The following IQSEC1 variants were observed in gnomAD, a reference collection of about 807,000 sequenced individuals.
IQSEC1 encodes IQ motif and Sec7 domain ArfGEF 1.
A neutral mutation model predicts 91.0 loss-of-function variants in IQSEC1; 31 were observed. That is an observed-to-expected ratio of 0.34 (90% CI 0.26 to 0.46). The LOEUF is 0.46. Ranked by LOEUF, IQSEC1 falls within the 20% of genes least tolerant of loss-of-function variation. The pLI is 1.00. For synonymous variants in IQSEC1, 699 were observed against 662.6 expected (o/e 1.05, Z -0.84); for missense variants, 1,388 against 1,575.6 (o/e 0.88, Z 2.02).
chr3:13,123,924 C>T (rs894150517), intron 2 of IQSEC1, among the ~76,000 whole-genome samples: 3 of 152,368 alleles, frequency 2.0e-5, no homozygotes, highest in African/African-American at 2.4e-5. Flanking sequence ...ATCTAGCCTG[C>T]GGCTTGCTTT....
At chr3:13,043,949 T>G (rs1052619427) in intron 1 of IQSEC1, among the ~76,000 whole-genome samples, 6 of 151,982 alleles carry the variant, frequency 3.9e-5, no homozygotes, top group Non-Finnish European at 7.4e-5. Context: ...TCCCCAGAGG[T>G]GTGCACACAG....
chr3:13,057,009 C>T (rs1337473145), intron 1 of IQSEC1, among the ~76,000 whole-genome samples: 1 of 152,110 alleles, frequency 6.6e-6, no homozygotes, highest in African/African-American at 2.4e-5. Flanking sequence ...ATCTTTTGGG[C>T]CCCCTTATAG....
At chr3:13,130,097 G>A (rs1277564092) in intron 2 of IQSEC1, among the ~76,000 whole-genome samples, 1 of 151,248 alleles carries the variant, frequency 6.6e-6, no homozygotes, top group Non-Finnish European at 1.5e-5. Context: ...TATAATCACA[G>A]CACTTTGGGA....
chr3:13,213,332 T>C (rs1444988852), intron 1 of IQSEC1, among the ~76,000 whole-genome samples: 2 of 152,244 alleles, frequency 1.3e-5, no homozygotes, highest in African/African-American at 4.8e-5. Context: ...GCCCCCTGTG[T>C]ATGGGTTGAT....
chr3:13,115,749 C>T (rs1249617404), intron 2 of IQSEC1, among the ~76,000 whole-genome samples: 3 of 152,202 alleles, frequency 2.0e-5, no homozygotes, highest in Admixed American at 6.5e-5. Context: ...GCTGAATGCA[C>T]GCTAGCCCAT....
intron 1 of IQSEC1, among the ~76,000 whole-genome samples, chr3:13,054,414 T>C (rs1704802963): frequency 6.6e-6 from 1 of 152,224 alleles, no homozygotes; most frequent in Admixed American, 6.5e-5. Flanking sequence ...GTGGGCACCC[T>C]TCTACCCTGT....
intron 1 of IQSEC1, among the ~76,000 whole-genome samples, chr3:12,999,820 C>T (rs551433579): frequency 6.6e-6 from 1 of 152,320 alleles, no homozygotes; most frequent in African/African-American, 2.4e-5. Context: ...TTTCTGGCCT[C>T]AATTTGTCCC....
chr3:13,025,341 G>A lies in IQSEC1; in HGVS notation c.23+47651C>T, dbSNP rs189599301. ...GCCCGCTGGGGATGAAGTCACTGCC[G>A]CCCAGGCAAAGGGAAGGACACATTT... On this transcript the variant is annotated intron_variant, in intron 1 of 13. Coordinates refer to ENST00000613206, the MANE Select transcript of IQSEC1 (RefSeq NM_001134382.3). Among the ~76,000 whole-genome samples the A allele has an allele frequency of 8.5e-5, 13 of 152,364 alleles. No individual in the cohort carries two copies. In the East Asian group the frequency reaches 1.5e-3, roughly 18 times the overall value.
intron 1 of IQSEC1, among the ~76,000 whole-genome samples, chr3:13,016,966 G>A (rs1055055455): frequency 7.9e-5 from 12 of 152,088 alleles, no homozygotes; most frequent in Admixed American, 7.2e-4. Flanking sequence ...TCCTAGAAAC[G>A]GGACCATACG....
At chr3:13,134,047 A>C (rs894855712) in intron 2 of IQSEC1, among the ~76,000 whole-genome samples, 4 of 152,236 alleles carry the variant, frequency 2.6e-5, no homozygotes, top group African/African-American at 7.2e-5. Flanking sequence ...TGTGTTTTCA[A>C]ATACGAAAAT....
At position 13,211,504 on chromosome 3, in the gene IQSEC1, C is replaced by T. The variant is rs1694443695; in HGVS notation, c.273-47371G>A. Among the ~76,000 whole-genome samples the T allele has an allele frequency of 6.6e-6, 1 of 152,138 alleles. No homozygotes were observed. The highest frequency in any genetic ancestry group is 6.5e-5 in the Admixed American group (1 of 15,286). On this transcript the variant is annotated intron_variant, in intron 1 of 15. Coordinates refer to the IQSEC1 transcript ENST00000648114. The surrounding 1 kb of genome is among the most constrained non-coding windows in gnomAD (Gnocchi z 5.3). ...TCTCGGCTCTTCAGGCATCCACCCC[C>T]AAGTCCCCTTTTGGGAGCAGTGTCT...
At chr3:13,218,798 C>G (rs1376595819) in intron 1 of IQSEC1, among the ~76,000 whole-genome samples, 2 of 152,256 alleles carry the variant, frequency 1.3e-5, no homozygotes, top group East Asian at 3.9e-4. Context: ...CTGAACAGAT[C>G]CAGCTTCAGC....
chr3:13,087,415 G>A (rs567522485), intron 2 of IQSEC1, among the ~76,000 whole-genome samples: 1 of 152,178 alleles, frequency 6.6e-6, no homozygotes, highest in African/African-American at 2.4e-5. Flanking sequence ...TGTGCAGGAG[G>A]TCTGCAGACA....
At chr3:13,013,025 A>G (rs1702959347) in intron 1 of IQSEC1, among the ~76,000 whole-genome samples, 1 of 139,888 alleles carries the variant, frequency 7.1e-6, no homozygotes, top group African/African-American at 2.8e-5. Flanking sequence ...CAGTGGCACG[A>G]CCTAGGCTCA....
chr3:12,935,423 C>A lies in IQSEC1; in HGVS notation c.1568+25G>T. The stretch of plus-strand genomic sequence containing the variant: ...GCCCAGCAAGCCACAGCTGCCCACC[C>A]TGAGGGGTCACCCATGGTACTCACT... On this transcript the variant is annotated intron_variant, in intron 3 of 13. Transcript: ENST00000613206. The surrounding 1 kb of genome is among the most constrained non-coding windows in gnomAD (Gnocchi z 8.0). 1 of 1,590,440 alleles carries A rather than the reference C, an allele frequency of 6.3e-7. No individual in the cohort carries two copies. Among genetic ancestry groups the A allele is most frequent in the Non-Finnish European group, 8.6e-7 (1 of 1,164,192 alleles).
chr3:13,101,798 C>A (rs1170310894), intron 2 of IQSEC1, among the ~76,000 whole-genome samples: 2 of 152,114 alleles, frequency 1.3e-5, no homozygotes, highest in African/African-American at 2.4e-5. Flanking sequence ...TTGGGGCCAT[C>A]TTTCAATTTT....
chr3:13,172,410 A>C (rs1470933157), intron 1 of IQSEC1, among the ~76,000 whole-genome samples: 12 of 152,206 alleles, frequency 7.9e-5, no homozygotes, highest in Admixed American at 7.8e-4. Context: ...TTCCTTAAAC[A>C]GGACAGGCCC....
Position 13,155,269 on chromosome 3 carries a change from A to T in IQSEC1, c.302+8835T>A, listed in dbSNP as rs1037410037. Among the ~76,000 whole-genome samples the T allele has an allele frequency of 2.6e-5, 4 of 152,152 alleles. No individual in the cohort carries two copies. In the East Asian group the frequency reaches 7.7e-4, roughly 29 times the overall value. ...ACTTAGATTGACCAAGAATAAAAAG[A>T]CTCAACTAAAATCAGAAGTGAAAGT... On this transcript the variant is annotated intron_variant, in intron 2 of 15. Coordinates refer to the IQSEC1 transcript ENST00000648114.
intron 2 of IQSEC1, among the ~76,000 whole-genome samples, chr3:13,163,682 G>A (rs1452637863): frequency 6.6e-6 from 1 of 152,182 alleles, no homozygotes; most frequent in Non-Finnish European, 1.5e-5. Flanking sequence ...TGCATTGTTA[G>A]AGGCTGGTTA....
Sources: allele counts gnomAD v4.1 joint callset (sites outside exome capture counted in the v4.1 genomes callset), GRCh38; gene constraint gnomAD v4.1.1; non-coding constraint Gnocchi (gnomAD v3.1); transcripts MANE v1.5; gene names NCBI Gene and HGNC (gene_info 2026-07-23, HGNC 2026-07-21).